The following C12orf42 variants were observed in gnomAD, a reference collection of about 807,000 sequenced individuals.
The protein encoded by C12orf42 is uncharacterized protein C12orf42.
A neutral mutation model predicts 21.6 loss-of-function variants in C12orf42; 25 were observed. The ratio of observed to expected loss-of-function variants is 1.16; its 90% CI spans 0.84 to 1.62. The LOEUF (loss-of-function observed/expected upper bound fraction) is 1.62. Ranked by LOEUF, C12orf42 falls within the 40% of genes most tolerant of loss-of-function variation. The probability of loss-of-function intolerance (pLI) is 0.00; values close to 1 mark genes in which losing one functional copy is unlikely to be tolerated. For synonymous variants in C12orf42, 174 were observed against 175.0 expected, an observed-to-expected ratio of 0.99 and a Z score of 0.05; for missense variants, 483 against 459.3, an observed-to-expected ratio of 1.05 and a Z score of -0.47.
the C12orf42 span, among the ~76,000 whole-genome samples, chr12:103,148,491 G>A: frequency 1.3e-5 from 2 of 151,874 alleles, no homozygotes; most frequent in Admixed American, 6.6e-5. Flanking sequence ...ACATCATGAT[G>A]GTCTAGTTCA....
At position 103,481,631 on chromosome 12, in the gene C12orf42, A is replaced by G. The variant is rs571757688; in HGVS notation, c.-21-3184T>C. On this transcript the variant is annotated intron_variant, in intron 1 of 5. Transcript: ENST00000548883. ...CCTTATGGTTTGGGGTGTGTTTTCT[A>G]AAATCAACATAAAGCGAGTTACTTT... is the stretch of plus-strand genomic sequence containing the variant. 2.2e-3 allele frequency among the ~76,000 whole-genome samples: 318 copies of G among 141,348 alleles called. 1 individual carries two copies. Among genetic ancestry groups the G allele is most frequent in the Non-Finnish European group, 3.7e-3 (240 of 64,732 alleles). The allele number at this position is 141,348 out of a possible 152,430, so 92.7% of individuals were successfully genotyped here.
chr12:103,147,668 A>G, the C12orf42 span, among the ~76,000 whole-genome samples: 1 of 139,152 alleles, frequency 7.2e-6, no homozygotes, highest in Non-Finnish European at 1.5e-5. Context: ...ACTACTACAC[A>G]AAGTTTGCTC....
At chr12:103,522,806 C>T in the C12orf42 span, among the ~76,000 whole-genome samples, 2 of 152,208 alleles carry the variant, frequency 1.3e-5, no homozygotes, top group African/African-American at 2.4e-5. Flanking sequence ...CAAACAAGTC[C>T]TCATCTCAGA....
At position 103,409,450 on chromosome 12, in the gene C12orf42, C is replaced by T. The variant is rs1408695025; in HGVS notation, c.79-7775G>A. Among the ~76,000 whole-genome samples the T allele has an allele frequency of 4.6e-5, 7 of 152,274 alleles. 1 individual carries two copies. The highest frequency in any genetic ancestry group is 6.8e-3 in the Middle Eastern group (2 of 294). ...AATAGCAATCAGCACAATATGGCTG[C>T]TTTTTTCTGAACAATAGGACGGGCA... On this transcript the variant is annotated intron_variant, in intron 2 of 5. Transcript: ENST00000548883.
intron 10 of C12orf42, among the ~76,000 whole-genome samples, chr12:103,239,152 A>G (rs2033605480): frequency 6.6e-6 from 1 of 152,218 alleles, no homozygotes; most frequent in African/African-American, 2.4e-5. Context: ...AATCTTCCTC[A>G]TGGATTTCTT....
the C12orf42 span, among the ~76,000 whole-genome samples, chr12:103,087,620 T>C: frequency 6.6e-6 from 1 of 152,246 alleles, no homozygotes; most frequent in Non-Finnish European, 1.5e-5. Context: ...AGCACTTATA[T>C]GGGCCAGGTG....
intron 4 of C12orf42, among the ~76,000 whole-genome samples, chr12:103,355,334 T>C (rs2043446115): frequency 6.6e-6 from 1 of 152,140 alleles, no homozygotes; most frequent in African/African-American, 2.4e-5. Context: ...TGCACATACA[T>C]GCATACACTC....
intron 2 of C12orf42, among the ~76,000 whole-genome samples, chr12:103,405,458 T>A (rs1379919982): frequency 6.6e-6 from 1 of 152,186 alleles, no homozygotes; most frequent in Non-Finnish European, 1.5e-5. Flanking sequence ...GGTCTTCAGA[T>A]GAGCCCAAAG....
intron 4 of C12orf42, among the ~76,000 whole-genome samples, chr12:103,351,513 A>G (rs997942662): frequency 2.2e-4 from 34 of 152,220 alleles, no homozygotes; most frequent in African/African-American, 6.5e-4. Context: ...GGCAAGGACA[A>G]TGTCTCCTTC....
At chr12:103,534,366 G>A in the C12orf42 span, among the ~76,000 whole-genome samples, 115,517 of 151,940 alleles carry the variant, frequency 0.76, 44,438 homozygotes, top group African/African-American at 0.84. Flanking sequence ...TCCTGCAATT[G>A]TGCTGCTGAC....
At chr12:103,472,131 T>G (rs906910942) in intron 2 of C12orf42, 2 of 132,122 alleles carry the variant, frequency 1.5e-5, no homozygotes, top group African/African-American at 5.7e-5. Flanking sequence ...CTCGGCTCAC[T>G]GCAAGCTCCG....
At chr12:103,192,135 A>G in the C12orf42 span, among the ~76,000 whole-genome samples, 1 of 152,230 alleles carries the variant, frequency 6.6e-6, no homozygotes, top group Admixed American at 6.5e-5. Context: ...ATTAATAGTT[A>G]CATCAATAAT....
chr12:103,352,042 A>G (rs749475201), intron 4 of C12orf42, among the ~76,000 whole-genome samples: 6 of 151,720 alleles, frequency 4.0e-5, no homozygotes, highest in Admixed American at 1.3e-4. Flanking sequence ...AGCTCCCAGG[A>G]GCCCATCCTC....
At chr12:103,140,829 GACACACACACACAGAC>G in the C12orf42 span, among the ~76,000 whole-genome samples, 1 of 151,922 alleles carries the variant, frequency 6.6e-6, no homozygotes, top group African/African-American at 2.4e-5. Context: ...GTGATTGGGA[GACACACACACACAGAC>G]ACACACACAC....
chr12:103,540,840 A>G, the C12orf42 span, among the ~76,000 whole-genome samples: 1 of 151,936 alleles, frequency 6.6e-6, no homozygotes, highest in African/African-American at 2.4e-5. Flanking sequence ...TTTGCCTCAC[A>G]TTTTGTGTTT....
intron 1 of C12orf42, among the ~76,000 whole-genome samples, chr12:103,491,995 C>T (rs147644721): frequency 2.0e-3 from 297 of 152,054 alleles, no homozygotes; most frequent in African/African-American, 6.7e-3. Flanking sequence ...CTCACTCTGT[C>T]ACCCAGGTTG....
At chr12:103,452,916 A>T (rs998949050) in intron 2 of C12orf42, among the ~76,000 whole-genome samples, 4 of 151,956 alleles carry the variant, frequency 2.6e-5, no homozygotes, top group Non-Finnish European at 4.4e-5. Context: ...TAGGAGATAT[A>T]CCTAATGTAA....
At chr12:103,299,214 T>C (rs893644389), downstream of C12orf42, among the ~76,000 whole-genome samples, 5 of 152,066 alleles carry the variant, frequency 3.3e-5, no homozygotes, top group African/African-American at 1.2e-4. Context: ...ATTATTATCA[T>C]TAAAGATGAA....
chr12:103,280,093 C>T (rs2036012225), intron 4 of C12orf42, among the ~76,000 whole-genome samples: 1 of 152,158 alleles, frequency 6.6e-6, no homozygotes, highest in Admixed American at 6.5e-5. Flanking sequence ...GTCCCAGATA[C>T]TCTTTTGAGC....
Sources: gnomAD v4.1 joint callset for allele counts (sites outside exome capture counted in the v4.1 genomes callset) on GRCh38, gnomAD v4.1.1 for gene constraint, MANE v1.5 for transcripts, NCBI Gene and HGNC (gene_info 2026-07-23, HGNC 2026-07-21) for gene names.